TRIM8: variants seen among roughly 807,000 people sequenced by gnomAD.
TRIM8 encodes the protein tripartite motif containing 8, also known as E3 ubiquitin-protein ligase TRIM8.
In TRIM8, 9 loss-of-function variants were observed where a neutral mutation model predicts 55.7. The ratio of observed to expected loss-of-function variants is 0.16; its 90% confidence interval spans 0.10 to 0.28. The LOEUF (loss-of-function observed/expected upper bound fraction) is 0.28, where lower values mean the gene tolerates loss of function less well. Ranked by LOEUF, TRIM8 falls within the 10% of genes least tolerant of loss-of-function variation. TRIM8 has a pLI of 1.00. For missense variants in TRIM8, 556 were observed against 736.4 expected (o/e 0.76, Z 2.83); for synonymous variants, 335 against 333.3 (o/e 1.01, Z -0.06).
rs1340950995 is a variant in TRIM8, at chr10:102,656,920, G to A, written c.1222G>A (p.Gly408Ser). 1.9e-6 allele frequency: 3 copies of A among 1,603,646 alleles called. No individual in the cohort carries two copies. Among genetic ancestry groups the A allele is most frequent in the Non-Finnish European group, 2.6e-6 (3 of 1,174,402 alleles). ...GQYGAAGTAS[G>S]EGQSGQPLGP... ...GTACGGGGCGGCGGGCACAGCCAGC[G>A]GTGAGGGCCAGTCTGGGCAGCCCCT... The change falls in exon 6 of 6, where the codon GGT becomes AGT. Residue 408 changes from glycine to serine, a missense_variant. Transcript: ENST00000643721. This position sits in a 1 kb window ranked among gnomAD's most constrained non-coding sequence, Gnocchi z 4.6.
At chr10:102,649,732 G>GC (rs1303658014) in intron 1 of TRIM8, among the ~76,000 whole-genome samples, 1 of 152,186 alleles carries the variant, frequency 6.6e-6, no homozygotes, top group Non-Finnish European at 1.5e-5. Flanking sequence ...GCCTGCCCTG[G>GC]AGCCCCTTCC....
chr10:102,647,973 ACT>A (rs1007945006), intron 1 of TRIM8, among the ~76,000 whole-genome samples: 5 of 151,900 alleles, frequency 3.3e-5, no homozygotes, highest in African/African-American at 7.3e-5. Flanking sequence ...TACAAGGGGG[ACT>A]CTCAGAATCA....
intron 1 of TRIM8, 24 bp downstream of exon 1, chr10:102,645,211 GCACACA>G (rs754322583): frequency 2.8e-6 from 4 of 1,408,470 alleles, no homozygotes; most frequent in African/African-American, 2.9e-5. Flanking sequence ...GCGCGCGCGC[GCACACA>G]CACACACACA....
chr10:102,650,121 C>T (rs1006053083), intron 1 of TRIM8, among the ~76,000 whole-genome samples: 1 of 152,106 alleles, frequency 6.6e-6, no homozygotes, highest in Admixed American at 6.5e-5. Flanking sequence ...CCTGTTTCCT[C>T]CTGACCTTGT....
rs2064037229 is a variant in TRIM8 at position 102,657,457 on chromosome 10, C to T, written c.*103C>T. The T allele has an allele frequency of 7.3e-7, 1 of 1,365,974 alleles. No individual in the cohort carries two copies. Among genetic ancestry groups the T allele is most frequent in the African/African-American group, 1.5e-5 (1 of 68,500 alleles). The allele number at this position is 1,365,974 out of a possible 1,614,324, so 84.6% of individuals were successfully genotyped here. A position where few individuals can be genotyped will look rare whatever the true frequency, so the allele number is the denominator to read the frequency against. On this transcript the variant is annotated 3_prime_UTR_variant, in exon 6 of 6. Coordinates refer to ENST00000643721, the MANE Select transcript of TRIM8 (RefSeq NM_030912.3). ...CCCTTCTACCTTCCTCGCCTCCCCT[C>T]TTCCTCATTCCATTGCCCCAGGTCT...
chr10:102,654,994 C>A, intron 2 of TRIM8, 86 bp from the exon 3 acceptor site: 2 of 1,477,132 alleles, frequency 1.4e-6, no homozygotes, highest in South Asian at 1.2e-5. Context: ...ACTTAGGGTT[C>A]TAGGATGTGA....
chr10:102,655,353 G>T (rs980227639), intron 3 of TRIM8, 40 bp downstream of exon 3: 1 of 1,575,734 alleles, frequency 6.3e-7, no homozygotes, highest in African/African-American at 1.4e-5. Flanking sequence ...CACCCAGAGG[G>T]CCATTTCCAA....
At chr10:102,645,368 C>A (rs548938270) in intron 1 of TRIM8, 181 bp downstream of exon 1, 9 of 635,890 alleles carry the variant, frequency 1.4e-5, no homozygotes, top group Middle Eastern at 4.4e-4. Context: ...GGCCCCGGGT[C>A]GCTACTTGGT....
At chr10:102,654,915 GAGCCCTGTGCTACC>G (rs2064011212) in intron 2 of TRIM8, 151 bp from the exon 3 acceptor site, 1 of 938,840 alleles carries the variant, frequency 1.1e-6, no homozygotes, top group African/African-American at 1.6e-5. Context: ...TGCTGGCCCA[GAGCCCTGTGCTACC>G]AGTGGGGAAC....
Position 102,657,973 on chromosome 10 carries a change from G to A in TRIM8, c.*619G>A, listed in dbSNP as rs369818961. 3 of 152,608 alleles carry A rather than the reference G, an allele frequency of 2.0e-5. No homozygotes were observed. In the East Asian group the frequency reaches 5.8e-4, roughly 30 times the overall value. The allele number at this position is 152,608 out of a possible 1,614,324, so 9.5% of individuals were successfully genotyped here. A position where few individuals can be genotyped will look rare whatever the true frequency, so the allele number is the denominator to read the frequency against. ...GCAGCTTTTGGCACCTTCAGCCTCA[G>A]AGTGGAATCTTTTAAAGACAGGACC... On this transcript the variant is annotated 3_prime_UTR_variant, in exon 6 of 6. Coordinates refer to ENST00000643721, the MANE Select transcript of TRIM8 (RefSeq NM_030912.3).
In TRIM8 at chr10:102,657,023, C is replaced by A. The variant is rs201728621; in HGVS notation, c.1325C>A (p.Pro442His). The A allele has an allele frequency of 5.0e-5, 80 of 1,612,718 alleles. No homozygotes were observed. The highest frequency in any genetic ancestry group is 7.6e-6 in the Non-Finnish European group (9 of 1,179,922). The change falls in exon 6 of 6, where the codon CCC (proline) becomes CAC (histidine). Residue 442 changes from proline to histidine, a missense_variant. By Grantham distance (77) the Pro-to-His change is moderately conservative. Around this residue, in one of 2 missense-constraint regions of TRIM8, gnomAD observed 391 missense variants for 441.0 expected, o/e 0.89. Coordinates refer to ENST00000643721, the MANE Select transcript of TRIM8 (RefSeq NM_030912.3). ...AQPVHSSPVF[P>H]PSQYPNGSAA... ...CCAGTGCACTCAAGCCCCGTGTTCC[C>A]CCCATCGCAGTATCCCAATGGCTCC...
chr10:102,646,260 A>C (rs1432877581), intron 1 of TRIM8, among the ~76,000 whole-genome samples: 1 of 152,130 alleles, frequency 6.6e-6, no homozygotes, highest in Admixed American at 6.5e-5. Flanking sequence ...TTGGCCTGAC[A>C]CCGAGGAGTC....
At position 102,657,457 on chromosome 10, in the gene TRIM8, C is replaced by G; in HGVS notation, c.*103C>G. 7.3e-7 allele frequency: 1 copy of G among 1,365,974 alleles called. No individual in the cohort carries two copies. Among genetic ancestry groups the G allele is most frequent in the Non-Finnish European group, 9.8e-7 (1 of 1,017,328 alleles). 84.6% of individuals were successfully genotyped at this position (1,365,974 alleles called of 1,614,324 possible). ...CCCTTCTACCTTCCTCGCCTCCCCT[C>G]TTCCTCATTCCATTGCCCCAGGTCT... On this transcript the variant is annotated 3_prime_UTR_variant, in exon 6 of 6. Coordinates refer to ENST00000643721, the MANE Select transcript of TRIM8 (RefSeq NM_030912.3).
intron 1 of TRIM8, among the ~76,000 whole-genome samples, chr10:102,651,766 G>A (rs529350276): frequency 6.6e-6 from 1 of 152,350 alleles, no homozygotes; most frequent in East Asian, 1.9e-4. Flanking sequence ...TTCCAGGGGA[G>A]GTCAGTGGGC....
intron 1 of TRIM8, among the ~76,000 whole-genome samples, chr10:102,650,142 G>A (rs2063972334): frequency 6.6e-6 from 1 of 152,146 alleles, no homozygotes. Flanking sequence ...TTCTCTTCAA[G>A]GTTGACTTGA....
intron 1 of TRIM8, among the ~76,000 whole-genome samples, chr10:102,646,383 A>G (rs867768745): frequency 1.3e-5 from 2 of 152,244 alleles, no homozygotes; most frequent in Middle Eastern, 3.4e-3. Flanking sequence ...AGGTTAGTGG[A>G]GGCCAGTGCG....
At chr10:102,646,509 A>G (rs71471247) in intron 1 of TRIM8, among the ~76,000 whole-genome samples, 1 of 152,284 alleles carries the variant, frequency 6.6e-6, no homozygotes, top group Non-Finnish European at 1.5e-5. Context: ...ATACACATAC[A>G]ACCAACAAAA....
In TRIM8 at chr10:102,652,144, T is replaced by C. The variant is rs2063990601; in HGVS notation, c.571-2509T>C. 2.0e-5 allele frequency among the ~76,000 whole-genome samples: 3 copies of C among 152,300 alleles called. No individual in the cohort carries two copies. The South Asian group carries it at 6.2e-4, about 32-fold the overall frequency. On this transcript the variant is annotated intron_variant, in intron 1 of 5. Transcript: ENST00000643721. ...CCTGGGTCACTGAAAGGTTAAGTTG[T>C]GTGTGGGCCCCCTGCACCCAGCTTA...
Position 102,656,020 on chromosome 10 carries a change from G to T in TRIM8, c.901-86G>T, listed in dbSNP as rs78418271. 3.1e-6 allele frequency: 5 copies of T among 1,596,338 alleles called. No individual in the cohort carries two copies. Among genetic ancestry groups the T allele is most frequent in the Non-Finnish European group, 4.3e-6 (5 of 1,165,302 alleles). ...ATCCACCCAGCCTGGGGGAGGCTCAGGGGGGGCAGCTTTTGTCTTCCCCTC... is the reference window on the plus strand; with the variant it reads ...ATCCACCCAGCCTGGGGGAGGCTCATGGGGGGCAGCTTTTGTCTTCCCCTC... On this transcript the variant is annotated intron_variant, in intron 3 of 5. Transcript: ENST00000643721. The surrounding 1 kb of genome is among the most constrained non-coding windows in gnomAD (Gnocchi z 4.6).
Sources: allele counts gnomAD v4.1 joint callset (sites outside exome capture counted in the v4.1 genomes callset), GRCh38; gene constraint gnomAD v4.1.1; regional missense constraint gnomAD v4.1.1; non-coding constraint Gnocchi (gnomAD v3.1); transcripts MANE v1.5; gene names NCBI Gene and HGNC (gene_info 2026-07-23, HGNC 2026-07-21).